ASCC3: variants seen among roughly 807,000 people sequenced by gnomAD.
ASCC3 encodes activating signal cointegrator 1 complex subunit 3, also known as ASC-1 complex subunit P200.
In ASCC3, 158 loss-of-function variants were observed where a neutral mutation model predicts 256.3. The ratio of observed to expected loss-of-function variants is 0.62; its 90% CI spans 0.54 to 0.70. ASCC3 has a LOEUF of 0.70. Among genes scored for constraint, ASCC3 ranks in the 30% least tolerant of loss-of-function variants. The pLI is 0.00. For synonymous variants in ASCC3, 948 were observed against 883.4 expected (o/e 1.07, Z -1.30); for missense variants, 2,259 against 2,626.0 (o/e 0.86, Z 3.05).
At chr6:100,696,158 T>C (rs943338428) in intron 13 of ASCC3, among the ~76,000 whole-genome samples, 14 of 152,174 alleles carry the variant, frequency 9.2e-5, no homozygotes, top group Non-Finnish European at 1.0e-4. Flanking sequence ...GTTATTCTCT[T>C]AAAAACAGAA....
intron 36 of ASCC3, 30 bp downstream of exon 36, chr6:100,589,604 G>A: frequency 6.2e-7 from 1 of 1,611,714 alleles, no homozygotes; most frequent in Non-Finnish European, 8.5e-7. Context: ...TAAATTAAAA[G>A]AGAAGATATG....
At chr6:100,750,168 A>G (rs1780872812) in intron 10 of ASCC3, among the ~76,000 whole-genome samples, 1 of 151,998 alleles carries the variant, frequency 6.6e-6, no homozygotes, top group African/African-American at 2.4e-5. Context: ...AAATTGCCCC[A>G]AACTATCAAG....
chr6:100,823,147 A>C (rs1271965344), intron 4 of ASCC3, among the ~76,000 whole-genome samples: 1 of 152,188 alleles, frequency 6.6e-6, no homozygotes, highest in African/African-American at 2.4e-5. Flanking sequence ...ATTAGATTTA[A>C]AGAAATCCCA....
At chr6:100,684,509 C>A (rs1777463793) in intron 13 of ASCC3, among the ~76,000 whole-genome samples, 2 of 152,118 alleles carry the variant, frequency 1.3e-5, no homozygotes, top group South Asian at 2.1e-4. Context: ...ACTTTGAGAA[C>A]CTCTGTCATA....
chr6:100,806,592 T>C (rs1427623202), intron 4 of ASCC3, among the ~76,000 whole-genome samples: 2 of 151,928 alleles, frequency 1.3e-5, no homozygotes, highest in African/African-American at 4.8e-5. Context: ...ATATATTTCT[T>C]GTTTAGAAAT....
intron 13 of ASCC3, among the ~76,000 whole-genome samples, chr6:100,712,749 CTCTT>C (rs1462446699): frequency 8.6e-5 from 9 of 105,046 alleles, no homozygotes; most frequent in Admixed American, 1.4e-4. Context: ...AGCAATTATA[CTCTT>C]TTTTTTTTTT....
intron 36 of ASCC3, among the ~76,000 whole-genome samples, chr6:100,567,829 GCTA>G (rs1164865648): frequency 1.3e-5 from 2 of 152,018 alleles, no homozygotes; most frequent in African/African-American, 4.8e-5. Context: ...CAATGTCTTT[GCTA>G]CTGTGAGTAA....
intron 8 of ASCC3, among the ~76,000 whole-genome samples, chr6:100,795,398 A>G (rs1036129667): frequency 6.6e-6 from 1 of 152,024 alleles, no homozygotes; most frequent in Admixed American, 6.6e-5. Flanking sequence ...AAGGAAATGG[A>G]GATAAAGAAA....
intron 5 of ASCC3, among the ~76,000 whole-genome samples, chr6:100,801,086 A>T (rs1248045641): frequency 6.6e-6 from 1 of 152,080 alleles, no homozygotes; most frequent in Non-Finnish European, 1.5e-5. Context: ...ACAGTTTTTT[A>T]AAAAATGGAA....
At chr6:100,591,362 C>T (rs143014698) in intron 34 of ASCC3, among the ~76,000 whole-genome samples, 6 of 152,002 alleles carry the variant, frequency 3.9e-5, no homozygotes, top group Admixed American at 3.9e-4. Context: ...TATCCAAAGT[C>T]ATTCAAAATT....
intron 30 of ASCC3, among the ~76,000 whole-genome samples, chr6:100,615,602 A>G (rs1167787228): frequency 1.3e-5 from 2 of 152,228 alleles, no homozygotes; most frequent in African/African-American, 4.8e-5. Context: ...AGTACTCTAT[A>G]TAAATACATC....
chr6:100,555,357 C>A (rs1769517138), intron 36 of ASCC3, among the ~76,000 whole-genome samples: 1 of 152,146 alleles, frequency 6.6e-6, no homozygotes, highest in Non-Finnish European at 1.5e-5. Flanking sequence ...ATGTGTCTGA[C>A]TTGTATCATT....
intron 14 of ASCC3, among the ~76,000 whole-genome samples, chr6:100,664,748 A>G (rs1298419828): frequency 6.6e-6 from 1 of 152,176 alleles, no homozygotes; most frequent in African/African-American, 2.4e-5. Flanking sequence ...AAAAAGTCCA[A>G]TTGTGGTGTA....
At chr6:100,653,489 T>C (rs912026612) in intron 17 of ASCC3, among the ~76,000 whole-genome samples, 1 of 151,636 alleles carries the variant, frequency 6.6e-6, no homozygotes, top group African/African-American at 2.4e-5. Flanking sequence ...AATACAAAAA[T>C]TAGCTGGGTA....
intron 10 of ASCC3, among the ~76,000 whole-genome samples, chr6:100,754,213 A>T (rs1191894509): frequency 6.6e-6 from 1 of 152,236 alleles, no homozygotes; most frequent in Non-Finnish European, 1.5e-5. Context: ...AGAAATTATA[A>T]GTGTTGACAA....
chr6:100,570,172 A>C (rs1770514244), intron 36 of ASCC3, among the ~76,000 whole-genome samples: 1 of 152,194 alleles, frequency 6.6e-6, no homozygotes, highest in Admixed American at 6.5e-5. Flanking sequence ...TGGTTTTAAT[A>C]TTCTTCTGGT....
rs537650392 is a variant in ASCC3 at position 100,536,526 on chromosome 6, G to A, written c.5775+3637C>T. Among the ~76,000 whole-genome samples the A allele has an allele frequency of 1.8e-4, 27 of 152,202 alleles. No homozygotes were observed. In the South Asian group the frequency reaches 5.6e-3, roughly 32 times the overall value. On this transcript the variant is annotated intron_variant, in intron 37 of 41. Coordinates refer to ENST00000369162, the MANE Select transcript of ASCC3 (RefSeq NM_006828.4). ...GACAGGATCTAACTCTTATCACCCG[G>A]GCTGGAGCACAGTGGCTTGATCATG... is the stretch of plus-strand genomic sequence containing the variant.
At chr6:100,613,298 T>C (rs1773501771) in intron 30 of ASCC3, among the ~76,000 whole-genome samples, 1 of 152,014 alleles carries the variant, frequency 6.6e-6, no homozygotes, top group Non-Finnish European at 1.5e-5. Context: ...TTCCTCTCCA[T>C]CCATTTGTAT....
chr6:100,604,015 A>G (rs912284379), intron 33 of ASCC3, among the ~76,000 whole-genome samples: 5 of 151,924 alleles, frequency 3.3e-5, no homozygotes, highest in African/African-American at 1.2e-4. Context: ...ATGCTATTTC[A>G]CCCTTAAATG....
Sources: gnomAD v4.1 joint callset for allele counts (sites outside exome capture counted in the v4.1 genomes callset) on GRCh38, gnomAD v4.1.1 for gene constraint, MANE v1.5 for transcripts, NCBI Gene and HGNC (gene_info 2026-07-23, HGNC 2026-07-21) for gene names.